The following SNTG2 variants were observed in gnomAD, a reference collection of about 807,000 sequenced individuals.
SNTG2 encodes the protein gamma-2-syntrophin.
In SNTG2, 74 loss-of-function variants were observed where a neutral mutation model predicts 70.9. That is an observed-to-expected ratio of 1.04 (90% CI 0.86 to 1.27). SNTG2 has a LOEUF of 1.27. Among genes scored for constraint, SNTG2 ranks in the 50% most tolerant of loss-of-function variants. The probability of loss-of-function intolerance (pLI) is 0.00; values close to 1 mark genes in which losing one functional copy is unlikely to be tolerated. For missense variants in SNTG2, 717 were observed against 690.7 expected (o/e 1.04, Z -0.43); for synonymous variants, 278 against 273.8 (o/e 1.02, Z -0.15).
Position 1,308,477 on chromosome 2 carries a change from T to C in SNTG2, c.1285-17T>C. 1 of 1,548,362 alleles carries C rather than the reference T, an allele frequency of 6.5e-7. No homozygotes were observed. The highest frequency in any genetic ancestry group is 8.7e-7 in the Non-Finnish European group (1 of 1,144,356). ...ATTATTAAAGAATGTTTTCTCAAAA[T>C]TGATACTTTTTTCTAGTCCAGAACA... On this transcript the variant is annotated splice_polypyrimidine_tract_variant and intron_variant, in intron 14 of 16. Coordinates refer to ENST00000308624, the MANE Select transcript of SNTG2 (RefSeq NM_018968.4).
At chr2:1,255,203 C>T (rs62108692) in intron 12 of SNTG2, among the ~76,000 whole-genome samples, 13,789 of 152,216 alleles carry the variant, frequency 0.091, 693 homozygotes, top group South Asian at 0.15. Flanking sequence ...GTCCAATGAG[C>T]GGTGATTGAA....
Position 958,592 on chromosome 2 carries a change from A to C in SNTG2, c.72+7524A>C, listed in dbSNP as rs77777586. On this transcript the variant is annotated intron_variant, in intron 1 of 16. Transcript: ENST00000308624. ...TGCTTTAAAAAGGAAAAAAAAGAAA[A>C]CCTCTAAAGTCACCATTATCTAAAT... is the stretch of plus-strand genomic sequence containing the variant. Among the ~76,000 whole-genome samples, 27 of 152,294 alleles carry C rather than the reference A, an allele frequency of 1.8e-4. No individual in the cohort carries two copies. In the East Asian group the frequency reaches 2.7e-3, roughly 15 times the overall value.
intron 12 of SNTG2, among the ~76,000 whole-genome samples, chr2:1,257,528 G>A (rs1678190081): frequency 6.6e-6 from 1 of 152,204 alleles, no homozygotes; most frequent in Non-Finnish European, 1.5e-5. Context: ...CGGAAGGAGG[G>A]AGAGACTAGA....
chr2:1,313,012 G>T (rs1475598099), intron 15 of SNTG2, among the ~76,000 whole-genome samples: 1 of 152,192 alleles, frequency 6.6e-6, no homozygotes, highest in Non-Finnish European at 1.5e-5. Context: ...TCCTTGTCAT[G>T]GAGTTGCCTG....
At chr2:1,083,842 C>T (rs1664507208) in intron 2 of SNTG2, among the ~76,000 whole-genome samples, 187 bp downstream of exon 2, 2 of 152,210 alleles carry the variant, frequency 1.3e-5, no homozygotes, top group African/African-American at 4.8e-5. Context: ...TACTCTCTCC[C>T]TGACTTTCTT....
chr2:1,065,094 G>T (rs1455136862), intron 1 of SNTG2, among the ~76,000 whole-genome samples: 2 of 152,166 alleles, frequency 1.3e-5, no homozygotes, highest in African/African-American at 4.8e-5. Flanking sequence ...CACGTCAGCT[G>T]GAGCTGTGTA....
intron 7 of SNTG2, among the ~76,000 whole-genome samples, chr2:1,168,062 AC>A (rs1224015298): frequency 7.4e-6 from 1 of 135,986 alleles, no homozygotes; most frequent in Non-Finnish European, 1.6e-5. Context: ...CAGGCCGCCC[AC>A]AGACGGCAGA....
At chr2:991,933 G>A (rs1661509049) in intron 1 of SNTG2, among the ~76,000 whole-genome samples, 1 of 152,258 alleles carries the variant, frequency 6.6e-6, no homozygotes, top group South Asian at 2.1e-4. Flanking sequence ...TGTAAGTGAT[G>A]CTGTGCTCAC....
intron 1 of SNTG2, among the ~76,000 whole-genome samples, chr2:979,550 C>G (rs1036250730): frequency 5.9e-5 from 9 of 152,168 alleles, no homozygotes; most frequent in Admixed American, 2.6e-4. Flanking sequence ...TCCTTTTGGC[C>G]TTTTGGGAAG....
At chr2:1,227,508 G>A (rs754425554) in intron 9 of SNTG2, among the ~76,000 whole-genome samples, 1 of 152,246 alleles carries the variant, frequency 6.6e-6, no homozygotes, top group Non-Finnish European at 1.5e-5. Flanking sequence ...GGGAGGGAGA[G>A]TCACGGCAGA....
intron 15 of SNTG2, among the ~76,000 whole-genome samples, chr2:1,311,412 A>G (rs986393040): frequency 6.6e-6 from 1 of 152,200 alleles, no homozygotes; most frequent in East Asian, 1.9e-4. Context: ...CTTGTAGTTT[A>G]TTTTAGAATT....
At chr2:1,102,108 G>T (rs1287666512) in intron 4 of SNTG2, among the ~76,000 whole-genome samples, 3 of 152,220 alleles carry the variant, frequency 2.0e-5, no homozygotes, top group African/African-American at 7.2e-5. Flanking sequence ...AACTGGAGAA[G>T]GCAGGCAGTG....
At chr2:1,290,044 T>C (rs1283318433) in intron 14 of SNTG2, among the ~76,000 whole-genome samples, 1 of 152,240 alleles carries the variant, frequency 6.6e-6, no homozygotes, top group East Asian at 1.9e-4. Context: ...TGATGGACAC[T>C]TGAGTTGTTT....
chr2:1,318,632 C>T (rs1681392806), intron 16 of SNTG2, among the ~76,000 whole-genome samples: 1 of 152,220 alleles, frequency 6.6e-6, no homozygotes, highest in South Asian at 2.1e-4. Flanking sequence ...CAGCCACCAG[C>T]AAGGTGGGAA....
At chr2:1,254,494 C>T (rs1027288141) in intron 12 of SNTG2, among the ~76,000 whole-genome samples, 2 of 150,148 alleles carry the variant, frequency 1.3e-5, no homozygotes, top group African/African-American at 5.0e-5. Context: ...GTAGCAACTG[C>T]CTATGCATAT....
chr2:1,318,512 C>A (rs916757659), intron 16 of SNTG2, among the ~76,000 whole-genome samples: 1 of 152,218 alleles, frequency 6.6e-6, no homozygotes, highest in East Asian at 1.9e-4. Flanking sequence ...ACTGTGGCTC[C>A]TGGGCTGGGG....
At chr2:1,111,246 C>A (rs568545187) in intron 4 of SNTG2, among the ~76,000 whole-genome samples, 2 of 152,134 alleles carry the variant, frequency 1.3e-5, no homozygotes, top group Non-Finnish European at 2.9e-5. Context: ...TGAGAAATGC[C>A]GAAACCTCAA....
intron 1 of SNTG2, among the ~76,000 whole-genome samples, chr2:1,017,766 C>T (rs1039221841): frequency 6.6e-6 from 1 of 152,162 alleles, no homozygotes. Flanking sequence ...TGCTAGACAG[C>T]TCTGTGACTG....
chr2:1,222,031 ATCTCTGTCTCTCTCTGTCTC>A (rs1553362135), intron 9 of SNTG2, among the ~76,000 whole-genome samples: 39 of 1,502 alleles, frequency 0.026, 13 homozygotes, highest in South Asian at 0.2. Context: ...GTCTCTGCCT[ATCTCTGTCTCTCTCTGTCTC>A]TCTCTGTCTC....
Sources: gnomAD v4.1 joint callset for allele counts (sites outside exome capture counted in the v4.1 genomes callset) on GRCh38, gnomAD v4.1.1 for gene constraint, MANE v1.5 for transcripts, NCBI Gene and HGNC (gene_info 2026-07-23, HGNC 2026-07-21) for gene names.